The following MTA3 variants were observed in gnomAD, a reference collection of about 807,000 sequenced individuals.
The protein encoded by MTA3 is metastasis associated 1 family member 3.
In MTA3, 34 loss-of-function variants were observed where a neutral mutation model predicts 83.5. The observed-to-expected ratio is 0.41, with a 90% confidence interval of 0.31 to 0.54. The LOEUF is 0.54. Ranked by LOEUF, MTA3 falls within the 20% of genes least tolerant of loss-of-function variation. MTA3 has a pLI of 0.33. For missense variants in MTA3, 761 were observed against 726.4 expected, an observed-to-expected ratio of 1.05 and a Z score of -0.55; for synonymous variants, 303 against 252.7, an observed-to-expected ratio of 1.20 and a Z score of -1.89.
rs534580004 is a variant in MTA3 at position 42,754,533 on chromosome 2, G to A, written c.*1134G>A. 1.4e-4 allele frequency: 137 copies of A among 985,340 alleles called. 1 individual carries two copies. The highest frequency in any genetic ancestry group is 1.6e-4 in the Non-Finnish European group (131 of 829,964). 61.0% of individuals were successfully genotyped at this position (985,340 alleles called of 1,614,324 possible). ...CCACTCAGCTGTGCTGAGTAGCTGT[G>A]CTACTTGTGCTGGCAGCTGCAAGGA... On this transcript the variant is annotated 3_prime_UTR_variant, in exon 17 of 17. Coordinates refer to ENST00000405094, the MANE Select transcript of MTA3 (RefSeq NM_001330442.2).
Position 42,708,880 on chromosome 2 carries a change from C to T in MTA3, c.1309C>T (p.Arg437Cys), listed in dbSNP as rs190465226. The change falls in exon 14 of 17, where the codon CGT becomes TGT. Residue 437 changes from arginine to cysteine, a missense_variant. By Grantham distance (180) the Arg-to-Cys change is radical. Coordinates refer to ENST00000405094, the MANE Select transcript of MTA3 (RefSeq NM_001330442.2). The part of the protein sequence containing the change: ...LSPSPTTEDP[R>C]VRSHVSRQAM... Reference sequence around the variant, plus strand: ...TTGTTTTCTGATTTTGCAGGACCCTCGTGTTAGAAGTCACGTGTCCCGCCA... The same window carrying T: ...TTGTTTTCTGATTTTGCAGGACCCTTGTGTTAGAAGTCACGTGTCCCGCCA... The T allele has an allele frequency of 1.1e-5, 18 of 1,613,906 alleles. No individual in the cohort carries two copies. The highest frequency in any genetic ancestry group is 4.4e-5 in the South Asian group (4 of 91,050).
chr2:42,700,500 T>G (rs1213510597), intron 11 of MTA3, among the ~76,000 whole-genome samples: 1 of 152,234 alleles, frequency 6.6e-6, no homozygotes, highest in African/African-American at 2.4e-5. Context: ...ACGTTCTAGA[T>G]TCAGTTGAGC....
intron 2 of MTA3, among the ~76,000 whole-genome samples, chr2:42,559,461 C>T (rs1677557556): frequency 6.7e-6 from 1 of 150,184 alleles, no homozygotes; most frequent in Admixed American, 6.6e-5. Flanking sequence ...GAGATCATGC[C>T]ACAACACTCC....
In MTA3 at chr2:42,601,802, C is replaced by G. The variant is rs1384665623; in HGVS notation, c.191-7656C>G. Among the ~76,000 whole-genome samples the G allele has an allele frequency of 3.3e-5, 5 of 152,326 alleles. No homozygotes were observed. The East Asian group carries it at 9.6e-4, about 29-fold the overall frequency. ...TCAAGTAATTCTCCTGCATCAGCCT[C>G]TGGAGTAGCTAGGATTTCAGGTGTG... is the stretch of plus-strand genomic sequence containing the variant. On this transcript the variant is annotated intron_variant, in intron 3 of 16. Transcript: ENST00000405094.
chr2:42,606,569 G>A (rs868002924), intron 3 of MTA3, among the ~76,000 whole-genome samples: 19 of 144,300 alleles, frequency 1.3e-4, no homozygotes, highest in Admixed American at 2.8e-4. Flanking sequence ...GATGGCGGCC[G>A]GGCGGAGACG....
chr2:42,667,919 A>T (rs774150913), intron 8 of MTA3, among the ~76,000 whole-genome samples: 11 of 152,228 alleles, frequency 7.2e-5, no homozygotes, highest in Non-Finnish European at 1.6e-4. Flanking sequence ...GCTATGAACA[A>T]AGGTGTACAA....
rs191548760 is a variant in MTA3, at chr2:42,656,935, A to G, written c.602+633A>G. Reference sequence around the variant, plus strand: ...AATTAAAGCTATATGTAGCAAAGAGATAAACATCACAAATAGTGTTGAGGG... The same window carrying G: ...AATTAAAGCTATATGTAGCAAAGAGGTAAACATCACAAATAGTGTTGAGGG... On this transcript the variant is annotated intron_variant, in intron 7 of 16. Coordinates refer to ENST00000405094, the MANE Select transcript of MTA3 (RefSeq NM_001330442.2). Among the ~76,000 whole-genome samples, 14 of 152,334 alleles carry G rather than the reference A, an allele frequency of 9.2e-5. No individual in the cohort carries two copies. The East Asian group carries it at 2.7e-3, about 29-fold the overall frequency.
intron 2 of MTA3, among the ~76,000 whole-genome samples, chr2:42,539,964 A>T (rs1676447356): frequency 6.6e-6 from 1 of 152,070 alleles, no homozygotes; most frequent in Non-Finnish European, 1.5e-5. Flanking sequence ...CCTGCTGTAG[A>T]ATGGCTTCTT....
chr2:42,647,646 T>G (rs1688339464), intron 6 of MTA3, among the ~76,000 whole-genome samples: 1 of 152,170 alleles, frequency 6.6e-6, no homozygotes. Flanking sequence ...TTTTATAACT[T>G]GGTAGTTTTC....
chr2:42,507,612 A>G (rs1674693189), intron 2 of MTA3, among the ~76,000 whole-genome samples: 1 of 151,282 alleles, frequency 6.6e-6, no homozygotes, highest in Non-Finnish European at 1.5e-5. Flanking sequence ...GTGTGAAAAG[A>G]TTATGTTTTT....
intron 8 of MTA3, among the ~76,000 whole-genome samples, chr2:42,668,593 A>T (rs1311270768): frequency 1.3e-5 from 2 of 152,130 alleles, no homozygotes; most frequent in Non-Finnish European, 2.9e-5. Context: ...ACAATGGTGC[A>T]TTTGTCTTTT....
intron 16 of MTA3, among the ~76,000 whole-genome samples, chr2:42,731,723 A>G (rs762674337): frequency 2.0e-5 from 3 of 152,104 alleles, no homozygotes; most frequent in Non-Finnish European, 2.9e-5. Context: ...TTCAAAACCA[A>G]TCATGCCTTC....
At chr2:42,544,765 A>G (rs967368894) in intron 2 of MTA3, among the ~76,000 whole-genome samples, 1 of 152,154 alleles carries the variant, frequency 6.6e-6, no homozygotes, top group Admixed American at 6.6e-5. Flanking sequence ...GACATCAGAA[A>G]TTCTATCTAT....
chr2:42,642,091 TATC>T, intron 5 of MTA3, among the ~76,000 whole-genome samples: 1 of 152,330 alleles, frequency 6.6e-6, no homozygotes, highest in Non-Finnish European at 1.5e-5. Context: ...ACTTTTTAAT[TATC>T]ATCCTTTACT....
chr2:42,693,019 T>G (rs967968227), intron 9 of MTA3, among the ~76,000 whole-genome samples: 1 of 152,218 alleles, frequency 6.6e-6, no homozygotes, highest in African/African-American at 2.4e-5. Context: ...AGATTAGATC[T>G]GGAATTCTCT....
chr2:42,601,716 G>A (rs1031546137), intron 3 of MTA3, among the ~76,000 whole-genome samples: 3 of 151,930 alleles, frequency 2.0e-5, no homozygotes, highest in African/African-American at 7.3e-5. Flanking sequence ...GTCTTGCAGT[G>A]CTGCCCAGGC....
At chr2:42,693,225 C>T (rs1163124368) in intron 9 of MTA3, among the ~76,000 whole-genome samples, 1 of 152,062 alleles carries the variant, frequency 6.6e-6, no homozygotes, top group Admixed American at 6.6e-5. Flanking sequence ...TCATGCCTGT[C>T]GTAACTGCTC....
chr2:42,722,129 C>A (rs1170054414), intron 15 of MTA3, among the ~76,000 whole-genome samples: 1 of 152,122 alleles, frequency 6.6e-6, no homozygotes, highest in African/African-American at 2.4e-5. Context: ...AGCTGCTAAG[C>A]TTTAGAAAAA....
At chr2:42,572,335 A>G (rs1678583090) in intron 2 of MTA3, among the ~76,000 whole-genome samples, 1 of 151,926 alleles carries the variant, frequency 6.6e-6, no homozygotes, top group Admixed American at 6.6e-5. Context: ...TGTAATCCTA[A>G]CATTTTGGGA....
Sources: allele counts gnomAD v4.1 joint callset (sites outside exome capture counted in the v4.1 genomes callset), GRCh38; gene constraint gnomAD v4.1.1; transcripts MANE v1.5; gene names NCBI Gene and HGNC (gene_info 2026-07-23, HGNC 2026-07-21).